The following HMGB1 variants were observed in gnomAD, a reference collection of about 807,000 sequenced individuals.
HMGB1 encodes the protein high mobility group box 1.
For missense variants in HMGB1, 79 were observed against 253.5 expected (o/e 0.31, Z 4.67); for synonymous variants, 81 against 84.0 (o/e 0.96, Z 0.19).
At position 30,559,100 on chromosome 13, in the gene HMGB1, C is replaced by CTTCTCTAGAAATAGGTGAGTCTGT. The variant is rs1366487141; in HGVS notation, c.-15+57547_-15+57570dup. ...AATTTTTAAAAATATCTTTTGAGGA[C>CTTCTCTAGAAATAGGTGAGTCTGT]TTCTCTAGAAATAGGTGAGTCTGTT... On this transcript the variant is annotated intron_variant, in intron 1 of 4. Coordinates refer to the HMGB1 transcript ENST00000405805. This position sits in a 1 kb window ranked among gnomAD's most constrained non-coding sequence, Gnocchi z 6.6. Among the ~76,000 whole-genome samples the CTTCTCTAGAAATAGGTGAGTCTGT allele has an allele frequency of 6.6e-6, 1 of 152,042 alleles. No homozygotes were observed. The highest frequency in any genetic ancestry group is 2.4e-5 in the African/African-American group (1 of 41,398).
chr13:30,553,546 T>C (rs1008010394), intron 1 of HMGB1: 3 of 479,054 alleles, frequency 6.3e-6, no homozygotes, highest in African/African-American at 5.9e-5. Flanking sequence ...AATATATATA[T>C]GAATAGAATA....
chr13:30,476,011 T>C (rs139421594), intron 1 of HMGB1, among the ~76,000 whole-genome samples: 2 of 152,284 alleles, frequency 1.3e-5, no homozygotes, highest in Non-Finnish European at 2.9e-5. Context: ...ATTCTGAAAT[T>C]TTCTTGATCA....
At chr13:30,576,972 C>T (rs1024822153) in intron 1 of HMGB1, among the ~76,000 whole-genome samples, 1 of 152,118 alleles carries the variant, frequency 6.6e-6, no homozygotes, top group East Asian at 1.9e-4. Context: ...TATTTAGAGA[C>T]GTGACCTCTA....
At chr13:30,602,649 T>C (rs1460303589) in intron 1 of HMGB1, among the ~76,000 whole-genome samples, 1 of 152,226 alleles carries the variant, frequency 6.6e-6, no homozygotes, top group African/African-American at 2.4e-5. Context: ...CTGGCTTTAT[T>C]ATCTGTTGTA....
At position 30,586,496 on chromosome 13, in the gene HMGB1, T is replaced by G. The variant is rs1190874222; in HGVS notation, c.-15+30175A>C. 1.2e-3 allele frequency among the ~76,000 whole-genome samples: 168 copies of G among 145,582 alleles called. 1 individual carries two copies. Among genetic ancestry groups the G allele is most frequent in the African/African-American group, 3.6e-3 (145 of 40,296 alleles). ...TTTTTTTTGTTTTTTTTTTTTTTTT[T>G]TTTTTTTTTGAGATGGAGTTTCGCT... On this transcript the variant is annotated intron_variant, in intron 1 of 4. Transcript: ENST00000405805.
intron 1 of HMGB1, among the ~76,000 whole-genome samples, chr13:30,474,959 G>GTTTTTTTTTTTTTTT (rs776923842): frequency 1.6e-5 from 1 of 64,032 alleles, no homozygotes; most frequent in Non-Finnish European, 2.6e-5. Context: ...TTCTTTTTTT[G>GTTTTTTTTTTTTTTT]TTTTTTTTTT....
intron 1 of HMGB1, among the ~76,000 whole-genome samples, chr13:30,582,572 A>G (rs988771637): frequency 5.3e-5 from 8 of 151,826 alleles, no homozygotes; most frequent in African/African-American, 1.9e-4. Context: ...CGGGAGGTGG[A>G]GGTTGCAGTG....
intron 1 of HMGB1, among the ~76,000 whole-genome samples, chr13:30,497,867 T>C (rs993647441): frequency 6.6e-6 from 1 of 152,210 alleles, no homozygotes; most frequent in Non-Finnish European, 1.5e-5. Flanking sequence ...GATGGGCATT[T>C]AGGTTCATTC....
rs548128355 is a variant in HMGB1, at chr13:30,547,497, C to A, written c.-15+69174G>T. Among the ~76,000 whole-genome samples, 3 of 152,336 alleles carry A rather than the reference C, an allele frequency of 2.0e-5. No individual in the cohort carries two copies. In the South Asian group the frequency reaches 6.2e-4, roughly 32 times the overall value. On this transcript the variant is annotated intron_variant, in intron 1 of 4. Coordinates refer to the HMGB1 transcript ENST00000405805. ...CCATAGATGCTAAACCTCAGCCAAC[C>A]TTAACCTGTGAATATGAGAACAGAT...
At chr13:30,590,082 T>C (rs1189494744) in intron 1 of HMGB1, among the ~76,000 whole-genome samples, 1 of 152,042 alleles carries the variant, frequency 6.6e-6, no homozygotes, top group Non-Finnish European at 1.5e-5. Context: ...CTGAATCTGA[T>C]TATAAATGAA....
chr13:30,538,514 T>TCTTTCCTTTCTTTCTTTC (rs1555238776), intron 1 of HMGB1, among the ~76,000 whole-genome samples: 1 of 138,758 alleles, frequency 7.2e-6, no homozygotes, highest in Admixed American at 7.0e-5. Context: ...TTCTTTCCTT[T>TCTTTCCTTTCTTTCTTTC]CTTTCTTTCC....
At chr13:30,501,014 G>A (rs1472163112) in intron 1 of HMGB1, among the ~76,000 whole-genome samples, 1 of 151,972 alleles carries the variant, frequency 6.6e-6, no homozygotes, top group Non-Finnish European at 1.5e-5. Flanking sequence ...TGCAGACATG[G>A]GGTATTGCAG....
chr13:30,546,988 T>C (rs576463710), intron 1 of HMGB1, among the ~76,000 whole-genome samples: 4 of 152,216 alleles, frequency 2.6e-5, no homozygotes, highest in Non-Finnish European at 4.4e-5. Context: ...CAAAACATTC[T>C]TTATCCCTAT....
At chr13:30,609,993 C>T (rs981915052) in intron 1 of HMGB1, among the ~76,000 whole-genome samples, 2 of 152,226 alleles carry the variant, frequency 1.3e-5, no homozygotes, top group Non-Finnish European at 2.9e-5. Context: ...AGCTCCTCTT[C>T]AGTCTACTCA....
chr13:30,560,021 T>C (rs922994269), intron 1 of HMGB1, among the ~76,000 whole-genome samples: 1 of 152,092 alleles, frequency 6.6e-6, no homozygotes, highest in Non-Finnish European at 1.5e-5. Flanking sequence ...TTTACCAGAA[T>C]GTGTGTGTAA....
chr13:30,482,050 G>A (rs1351112112), intron 1 of HMGB1, among the ~76,000 whole-genome samples: 2 of 151,992 alleles, frequency 1.3e-5, no homozygotes, highest in South Asian at 2.1e-4. Flanking sequence ...GGCTGGTCTT[G>A]AACTCCTGAT....
At chr13:30,573,599 C>T (rs1007104824) in intron 1 of HMGB1, among the ~76,000 whole-genome samples, 3 of 150,420 alleles carry the variant, frequency 2.0e-5, no homozygotes, top group Non-Finnish European at 4.4e-5. Flanking sequence ...CTAAAGTGAC[C>T]AAATAAATAC....
chr13:30,502,540 T>C (rs1208323535), intron 1 of HMGB1, among the ~76,000 whole-genome samples: 1 of 152,230 alleles, frequency 6.6e-6, no homozygotes, highest in East Asian at 1.9e-4. Flanking sequence ...CATGGATGTA[T>C]AGGCACATCA....
At chr13:30,582,028 G>T (rs948719390) in intron 1 of HMGB1, among the ~76,000 whole-genome samples, 6 of 152,156 alleles carry the variant, frequency 3.9e-5, no homozygotes, top group African/African-American at 1.2e-4. Context: ...AAATAGAGGT[G>T]AGGGTGAACA....
Sources: allele counts gnomAD v4.1 joint callset (sites outside exome capture counted in the v4.1 genomes callset), GRCh38; gene constraint gnomAD v4.1.1; non-coding constraint Gnocchi (gnomAD v3.1); transcripts MANE v1.5; gene names NCBI Gene and HGNC (gene_info 2026-07-23, HGNC 2026-07-21).